NEK7: variants seen among roughly 807,000 people sequenced by gnomAD.
NEK7 encodes the protein NIMA related kinase 7.
In NEK7, 18 loss-of-function variants were observed where a neutral mutation model predicts 44.6. The observed-to-expected ratio is 0.40, with a 90% confidence interval of 0.28 to 0.60. The LOEUF (loss-of-function observed/expected upper bound fraction) is 0.60. Ranked by LOEUF, NEK7 falls within the 20% of genes least tolerant of loss-of-function variation. The pLI is 0.38. For missense variants in NEK7, 256 were observed against 366.5 expected (o/e 0.70, Z 2.46); for synonymous variants, 130 against 121.1 (o/e 1.07, Z -0.48).
At chr1:198,245,668 C>T (rs994626077) in intron 2 of NEK7, among the ~76,000 whole-genome samples, 7 of 152,170 alleles carry the variant, frequency 4.6e-5, no homozygotes, top group Non-Finnish European at 4.4e-5. Context: ...AGCCTTCTGT[C>T]ATAGATAAGG....
At position 198,201,552 on chromosome 1, in the gene NEK7, G is replaced by A. The variant is rs183025603; in HGVS notation, c.-28-31001G>A. ...TTACTGTCTGACCCTTTACCAAAAG[G>A]TTGCTAATTCCTGCTTTAGTTAGCA... On this transcript the variant is annotated intron_variant, in intron 1 of 9. Transcript: ENST00000367385. Among the ~76,000 whole-genome samples the A allele has an allele frequency of 4.6e-3, 702 of 152,258 alleles. 5 individuals carry two copies. Among genetic ancestry groups the A allele is most frequent in the South Asian group, 0.026 (123 of 4,820 alleles).
intron 1 of NEK7, among the ~76,000 whole-genome samples, chr1:198,217,546 T>C (rs1665955871): frequency 6.6e-6 from 1 of 152,106 alleles, no homozygotes; most frequent in Admixed American, 6.5e-5. Context: ...ATGCCTACTT[T>C]CACCATTTCT....
chr1:198,320,429 T>C lies in NEK7; in HGVS notation c.*907T>C, dbSNP rs1310161386. The C allele has an allele frequency of 6.6e-6, 1 of 152,174 alleles. No homozygotes were observed. The highest frequency in any genetic ancestry group is 6.5e-5 in the Admixed American group (1 of 15,270). 9.4% of individuals were successfully genotyped at this position (152,174 alleles called of 1,614,324 possible). A position where few individuals can be genotyped will look rare whatever the true frequency, so the allele number is the denominator to read the frequency against. ...ACACTATAATATAAGCCTAAGTTTT[T>C]ATTCATAAGTTTTATTGAAGTTCTG... On this transcript the variant is annotated 3_prime_UTR_variant, in exon 10 of 10. Transcript: ENST00000367385.
chr1:198,215,303 CTG>C lies in NEK7; in HGVS notation c.-28-17249_-28-17248del, dbSNP rs1216960116. Among the ~76,000 whole-genome samples, 7 of 152,092 alleles carry C rather than the reference CTG, an allele frequency of 4.6e-5. No homozygotes were observed. In the East Asian group the frequency reaches 1.3e-3, roughly 29 times the overall value. On this transcript the variant is annotated intron_variant, in intron 1 of 9. Transcript: ENST00000367385. ...AAGTCACTAGGTAACAACATGATGACTGGAACAGTACCTCACATCTCAATATT... is the reference window on the plus strand; with the variant it reads ...AAGTCACTAGGTAACAACATGATGACGAACAGTACCTCACATCTCAATATT...
intron 1 of NEK7, among the ~76,000 whole-genome samples, chr1:198,210,737 A>ATTTTTTTT (rs1553250015): frequency 1.9e-5 from 1 of 52,412 alleles, no homozygotes; most frequent in East Asian, 6.4e-4. Context: ...TTCAATTTGT[A>ATTTTTTTT]TTTCTTTTTT....
intron 2 of NEK7, 74 bp from the exon 3 acceptor site, chr1:198,252,966 G>A: frequency 7.9e-7 from 1 of 1,267,632 alleles, no homozygotes. Context: ...CTACATATAT[G>A]AAAATGATCA....
intron 1 of NEK7, among the ~76,000 whole-genome samples, chr1:198,166,848 T>C (rs1476692803): frequency 6.6e-6 from 1 of 152,178 alleles, no homozygotes; most frequent in Non-Finnish European, 1.5e-5. Flanking sequence ...GCACATGCTA[T>C]TGGAAAAATG....
At position 198,264,197 on chromosome 1, in the gene NEK7, G is replaced by A; in HGVS notation, c.334G>A (p.Glu112Lys). 1 of 1,605,358 alleles carries A rather than the reference G, an allele frequency of 6.2e-7. No homozygotes were observed. Among genetic ancestry groups the A allele is most frequent in the Non-Finnish European group, 8.5e-7 (1 of 1,175,830 alleles). Residue 112 changes from glutamate to lysine, a missense_variant, in exon 5 of 10, where the codon GAA (glutamate) becomes AAA (lysine). By Grantham distance (56) the Glu-to-Lys change is moderately conservative. Around this residue, in one of 3 missense-constraint regions of NEK7, gnomAD observed 102 missense variants for 205.2 expected, o/e 0.50. Transcript: ENST00000367385. ...IEDNELNIVL[E>K]LADAGDLSRM... The stretch of plus-strand genomic sequence containing the variant: ...AGATAATGAACTAAACATAGTTTTG[G>A]AACTAGCAGATGCTGGCGACCTATC...
At chr1:198,264,589 C>T (rs539012339) in intron 5 of NEK7, among the ~76,000 whole-genome samples, 114 of 147,158 alleles carry the variant, frequency 7.7e-4, no homozygotes, top group African/African-American at 2.6e-3. Flanking sequence ...GAAAGAGACT[C>T]TAGAGCAGCT....
intron 2 of NEK7, among the ~76,000 whole-genome samples, chr1:198,233,306 T>TA (rs1022096651): frequency 6.6e-6 from 1 of 152,162 alleles, no homozygotes; most frequent in Non-Finnish European, 1.5e-5. Context: ...AATCTTTTAG[T>TA]AAAAAATGTA....
intron 1 of NEK7, among the ~76,000 whole-genome samples, chr1:198,192,891 A>C (rs1476436202): frequency 6.6e-6 from 1 of 152,134 alleles, no homozygotes; most frequent in African/African-American, 2.4e-5. Context: ...CTAACATCAC[A>C]ACTAAGAGAA....
rs561944006 is a variant in NEK7, at chr1:198,176,127, TCTAA to T, written c.-29+18854_-29+18857del. On this transcript the variant is annotated intron_variant, in intron 1 of 9. Transcript: ENST00000367385. ...AGTCTTTTAATCTCTTGTTTTGTTT[TCTAA>T]CTGTGTTTAGTTATTCAACAAATAT... Among the ~76,000 whole-genome samples, 19 of 152,354 alleles carry T rather than the reference TCTAA, an allele frequency of 1.2e-4. No homozygotes were observed. The South Asian group carries it at 3.3e-3, about 27-fold the overall frequency.
intron 1 of NEK7, among the ~76,000 whole-genome samples, chr1:198,223,725 TAG>T (rs1223201242): frequency 1.3e-5 from 2 of 152,202 alleles, no homozygotes; most frequent in African/African-American, 4.8e-5. Context: ...AAGTAAAAAT[TAG>T]AGTTTTGGGA....
chr1:198,176,696 T>C (rs1664612628), intron 1 of NEK7, among the ~76,000 whole-genome samples: 1 of 152,088 alleles, frequency 6.6e-6, no homozygotes, highest in African/African-American at 2.4e-5. Context: ...GGGTCTGGGA[T>C]AAACAGAGTG....
intron 2 of NEK7, among the ~76,000 whole-genome samples, chr1:198,252,002 G>A (rs1354078096): frequency 6.6e-6 from 1 of 151,994 alleles, no homozygotes; most frequent in South Asian, 2.1e-4. Flanking sequence ...GGTTTCTCTT[G>A]TGGGCATTTA....
chr1:198,296,542 A>G (rs1380663097), intron 8 of NEK7, among the ~76,000 whole-genome samples: 3 of 152,210 alleles, frequency 2.0e-5, no homozygotes, highest in African/African-American at 7.2e-5. Context: ...AACATATTTA[A>G]TTTAATGTTT....
intron 5 of NEK7, among the ~76,000 whole-genome samples, chr1:198,265,828 A>T (rs936865495): frequency 1.3e-5 from 2 of 152,128 alleles, no homozygotes; most frequent in Non-Finnish European, 2.9e-5. Context: ...ATTAGTACAT[A>T]TGCCTTTAAA....
intron 9 of NEK7, among the ~76,000 whole-genome samples, chr1:198,318,746 A>G (rs1655448369): frequency 6.6e-6 from 1 of 152,114 alleles, no homozygotes; most frequent in Non-Finnish European, 1.5e-5. Flanking sequence ...GTAGTTTCTT[A>G]ATTTATTGAA....
chr1:198,177,641 T>G (rs1226143275), intron 1 of NEK7, among the ~76,000 whole-genome samples: 1 of 152,024 alleles, frequency 6.6e-6, no homozygotes, highest in African/African-American at 2.4e-5. Context: ...GTACAAAATG[T>G]CAGAATAACT....
Sources: allele counts gnomAD v4.1 joint callset (sites outside exome capture counted in the v4.1 genomes callset), GRCh38; gene constraint gnomAD v4.1.1; regional missense constraint gnomAD v4.1.1; transcripts MANE v1.5; gene names NCBI Gene and HGNC (gene_info 2026-07-23, HGNC 2026-07-21).